Variants in CEP135 observed in about 807,000 individuals in gnomAD.
The protein encoded by CEP135 is centrosomal protein of 135 kDa.
Under a neutral mutation model 157.3 loss-of-function variants are expected in CEP135, and 142 were observed. The ratio of observed to expected loss-of-function variants is 0.90; its 90% CI spans 0.79 to 1.04. The LOEUF is 1.04. Ranked by LOEUF, CEP135 falls within the 50% of genes least tolerant of loss-of-function variation. The probability of loss-of-function intolerance (pLI) is 0.00; values close to 1 mark genes in which losing one functional copy is unlikely to be tolerated. For missense variants in CEP135, 1,317 were observed against 1,309.2 expected, an observed-to-expected ratio of 1.01 and a Z score of -0.09; for synonymous variants, 396 against 439.8, an observed-to-expected ratio of 0.90 and a Z score of 1.25.
At chr4:55,999,260 G>C in intron 15 of CEP135, 42 bp from the exon 16 acceptor site, 5 of 1,386,544 alleles carry the variant, frequency 3.6e-6, no homozygotes, top group Non-Finnish European at 5.1e-6. Context: ...ATTTCTATGA[G>C]AGATAAAGAA....
chr4:56,016,003 A>C (rs1429046147), intron 21 of CEP135, among the ~76,000 whole-genome samples: 1 of 152,200 alleles, frequency 6.6e-6, no homozygotes, highest in Admixed American at 6.5e-5. Flanking sequence ...AATGTGAACA[A>C]GTTAAGATGA....
At chr4:55,999,997 C>T (rs74718529) in intron 17 of CEP135, among the ~76,000 whole-genome samples, 3,108 of 152,036 alleles carry the variant, frequency 0.02, 109 homozygotes, top group African/African-American at 0.071. Flanking sequence ...CAAGACAAGC[C>T]TGGGCCACGT....
chr4:55,993,160 T>C (rs1382261449), intron 15 of CEP135, among the ~76,000 whole-genome samples: 4 of 151,964 alleles, frequency 2.6e-5, no homozygotes, highest in African/African-American at 9.7e-5. Context: ...GAAAACTGAG[T>C]TGGTGAAATA....
At position 56,024,540 on chromosome 4, in the gene CEP135, T is replaced by C. The variant is rs1560427552; in HGVS notation, c.3360T>C (p.Ala1120=). Residue 1120 remains alanine (A), a synonymous_variant, in exon 25 of 26, where the codon GCT becomes GCC. Coordinates refer to ENST00000257287, the MANE Select transcript of CEP135 (RefSeq NM_025009.5). ...AAGAGATGCGTCGACATGGTCTTGC[T>C]ACACCACCCCTTAGTTCCACTCTGA... The part of the protein sequence containing the change: ...AIQEMRRHGL[A]TPPLSSTLRS... The C allele has an allele frequency of 1.9e-6, 3 of 1,614,042 alleles. No individual in the cohort carries two copies. The highest frequency in any genetic ancestry group is 2.5e-6 in the Non-Finnish European group (3 of 1,179,930).
In CEP135 at chr4:55,963,511, C is replaced by T. The variant is rs529378193; in HGVS notation, c.700-763C>T. Among the ~76,000 whole-genome samples the T allele has an allele frequency of 2.6e-5, 4 of 152,200 alleles. 1 individual carries two copies. In the South Asian group the frequency reaches 6.2e-4, roughly 24 times the overall value. ...CTATAATCCCAGCACTTTGGGAGGCCGAGGCAGGCGGATCACCTGAGGTCA... is the reference window on the plus strand; with the variant it reads ...CTATAATCCCAGCACTTTGGGAGGCTGAGGCAGGCGGATCACCTGAGGTCA... On this transcript the variant is annotated intron_variant, in intron 6 of 25. Coordinates refer to ENST00000257287, the MANE Select transcript of CEP135 (RefSeq NM_025009.5).
At chr4:55,961,141 C>G (rs890543877) in intron 6 of CEP135, among the ~76,000 whole-genome samples, 11 of 150,438 alleles carry the variant, frequency 7.3e-5, no homozygotes, top group Non-Finnish European at 1.5e-4. Flanking sequence ...ATGTCAACCC[C>G]AAAAACCTTA....
At chr4:56,008,521 C>G in intron 18 of CEP135, 139 bp downstream of exon 18, 1 of 649,838 alleles carries the variant, frequency 1.5e-6, no homozygotes, top group South Asian at 1.9e-5. Flanking sequence ...ATCATTTTCT[C>G]AGTCTCCAGC....
In CEP135 at chr4:56,008,373, C is replaced by G; in HGVS notation, c.2327C>G (p.Ser776Ter). The change falls in exon 18 of 26, where the codon TCA becomes TGA. Residue 776 changes from serine to a stop codon, truncating the protein, a stop_gained. Coordinates refer to ENST00000257287, the MANE Select transcript of CEP135 (RefSeq NM_025009.5). LOFTEE classifies it high-confidence loss of function. The part of the protein sequence containing the change: ...QMKIMISECE[S>*]SVNQLKETLV... ...AAGATAATGATCTCAGAGTGTGAAT[C>G]ATCTGTGAAGTAAGTCATTAATGAA... is the stretch of plus-strand genomic sequence containing the variant. 1 of 1,608,808 alleles carries G rather than the reference C, an allele frequency of 6.2e-7. No individual in the cohort carries two copies.
intron 25 of CEP135, among the ~76,000 whole-genome samples, chr4:56,027,871 A>AT (rs980012936): frequency 3.3e-5 from 5 of 151,952 alleles, no homozygotes; most frequent in East Asian, 1.9e-4. Flanking sequence ...TAATTCTAAG[A>AT]TTTTTTTATC....
Position 56,019,448 on chromosome 4 carries a change from G to A in CEP135, c.3108G>A (p.Leu1036=), listed in dbSNP as rs774074162. 1.9e-6 allele frequency: 3 copies of A among 1,613,968 alleles called. No homozygotes were observed. Among genetic ancestry groups the A allele is most frequent in the South Asian group, 1.1e-5 (1 of 91,066 alleles). ...ERHTVKNLES[L]LATNRDKEFH... ...ATACAGTTAAAAACCTCGAATCATT[G>A]TTGGCTACAAACAGAGATAAAGAAT... Residue 1036 remains leucine, a synonymous_variant, in exon 23 of 26, where the codon TTG becomes TTA. Coordinates refer to ENST00000257287, the MANE Select transcript of CEP135 (RefSeq NM_025009.5).
intron 24 of CEP135, among the ~76,000 whole-genome samples, chr4:56,022,383 T>C (rs879725535): frequency 3.9e-5 from 6 of 152,116 alleles, no homozygotes; most frequent in Admixed American, 6.6e-5. Flanking sequence ...AAATTGTTTC[T>C]TGGGGGTAGG....
At chr4:56,014,808 C>T (rs111640922) in intron 21 of CEP135, among the ~76,000 whole-genome samples, 352 of 152,272 alleles carry the variant, frequency 2.3e-3, no homozygotes, top group African/African-American at 7.8e-3. Context: ...GCAGGCAGAT[C>T]GCTCAAGCAA....
Position 55,953,099 on chromosome 4 carries a change from C to G in CEP135, c.128C>G (p.Thr43Arg). Residue 43 changes from threonine (T) to arginine (R), a missense_variant, in exon 3 of 26, where the codon ACA becomes AGA. Transcript: ENST00000257287. ...TGTTCTTTTAGCGACTTAGTTCATA[C>G]AACTGAGAGCCTTCGGCAATCAAAA... Reference protein sequence around the residue: ...VEKLFSDLVHTTESLRQSKLS... With the variant: ...VEKLFSDLVHRTESLRQSKLS... The G allele has an allele frequency of 6.3e-7, 1 of 1,575,400 alleles. No homozygotes were observed. The highest frequency in any genetic ancestry group is 8.6e-7 in the Non-Finnish European group (1 of 1,168,270).
chr4:56,001,354 C>T (rs1730164160), intron 17 of CEP135, among the ~76,000 whole-genome samples: 1 of 152,072 alleles, frequency 6.6e-6, no homozygotes, highest in South Asian at 2.1e-4. Context: ...TAGAGCATTT[C>T]CCCAACATTT....
At chr4:56,011,704 G>C (rs1334718121) in intron 20 of CEP135, 96 bp from the exon 21 acceptor site, 5 of 1,103,364 alleles carry the variant, frequency 4.5e-6, no homozygotes, top group African/African-American at 1.6e-5. Context: ...TCCTAAATTA[G>C]AACAGAATGC....
intron 17 of CEP135, among the ~76,000 whole-genome samples, chr4:56,007,190 A>G (rs566096820): frequency 2.6e-5 from 4 of 152,192 alleles, no homozygotes; most frequent in Admixed American, 1.3e-4. Flanking sequence ...CACCACACCC[A>G]GCCTGGCTTG....
intron 4 of CEP135, 55 bp downstream of exon 4, chr4:55,954,438 T>G: frequency 6.9e-7 from 1 of 1,448,208 alleles, no homozygotes; most frequent in Middle Eastern, 2.0e-4. Context: ...TTAACGATAT[T>G]AACACCATTG....
At chr4:56,024,361 T>C in intron 24 of CEP135, 140 bp from the exon 25 acceptor site, 1 of 533,878 alleles carries the variant, frequency 1.9e-6, no homozygotes, top group Non-Finnish European at 3.3e-6. Context: ...TTAAAAATTG[T>C]ACAAAGACAT....
chr4:55,997,663 C>G lies in CEP135; in HGVS notation c.2010-1639C>G, dbSNP rs148255625. 3.3e-5 allele frequency among the ~76,000 whole-genome samples: 5 copies of G among 150,004 alleles called. No homozygotes were observed. The East Asian group carries it at 7.8e-4, about 24-fold the overall frequency. Reference sequence around the variant, plus strand: ...AGACTAGCCTTAATTTGCATATTTTCTTTGCCCTTACTTTCTTTGTGACCT... The same window carrying G: ...AGACTAGCCTTAATTTGCATATTTTGTTTGCCCTTACTTTCTTTGTGACCT... On this transcript the variant is annotated intron_variant, in intron 15 of 25. Coordinates refer to ENST00000257287, the MANE Select transcript of CEP135 (RefSeq NM_025009.5).
Sources: gnomAD v4.1 joint callset for allele counts (sites outside exome capture counted in the v4.1 genomes callset) on GRCh38, gnomAD v4.1.1 for gene constraint, MANE v1.5 for transcripts, NCBI Gene and HGNC (gene_info 2026-07-23, HGNC 2026-07-21) for gene names.